The following HS3ST5 variants were observed in gnomAD, a reference collection of about 807,000 sequenced individuals.
HS3ST5 encodes the protein heparan sulfate-glucosamine 3-sulfotransferase 5, also known as heparan sulfate glucosamine 3-O-sulfotransferase 5.
A neutral mutation model predicts 25.4 loss-of-function variants in HS3ST5; 10 were observed. The observed-to-expected ratio is 0.39, with a 90% CI of 0.24 to 0.67. The LOEUF (loss-of-function observed/expected upper bound fraction) is 0.67, where lower values mean the gene tolerates loss of function less well. HS3ST5 is among the 30% of genes least tolerant of loss of function. The pLI, the probability that HS3ST5 is intolerant of heterozygous loss-of-function variation, is 0.44. For missense variants in HS3ST5, 324 were observed against 420.7 expected, an observed-to-expected ratio of 0.77 and a Z score of 2.01; for synonymous variants, 170 against 162.4, an observed-to-expected ratio of 1.05 and a Z score of -0.36.
At chr6:114,240,614 T>C (rs535715220) in intron 1 of HS3ST5, among the ~76,000 whole-genome samples, 4 of 152,294 alleles carry the variant, frequency 2.6e-5, no homozygotes, top group East Asian at 1.9e-4. Flanking sequence ...CACAAATATA[T>C]TTTTGTAATT....
chr6:114,212,420 T>A (rs1185803712), intron 2 of HS3ST5, among the ~76,000 whole-genome samples: 1 of 152,222 alleles, frequency 6.6e-6, no homozygotes, highest in African/African-American at 2.4e-5. Context: ...CAATTTATCA[T>A]TCCTCCTTTT....
Position 114,282,915 on chromosome 6 carries a change from G to GT in HS3ST5, c.-338-54138dup, listed in dbSNP as rs551640825. Among the ~76,000 whole-genome samples the GT allele has an allele frequency of 8.6e-5, 13 of 151,984 alleles. No homozygotes were observed. The South Asian group carries it at 1.9e-3, about 22-fold the overall frequency. ...AGAAAAAAGCTTTTTTCCCTAAACAGTTTTTTTACTAGAAGTGACATAATT... is the reference window on the plus strand; with the variant it reads ...AGAAAAAAGCTTTTTTCCCTAAACAGTTTTTTTTACTAGAAGTGACATAATT... On this transcript the variant is annotated intron_variant, in intron 1 of 4. Coordinates refer to ENST00000312719, the MANE Select transcript of HS3ST5 (RefSeq NM_153612.4).
intron 1 of HS3ST5, among the ~76,000 whole-genome samples, chr6:114,324,592 C>T (rs1776098809): frequency 6.6e-6 from 1 of 152,144 alleles, no homozygotes. Flanking sequence ...ACATAAATTC[C>T]CTTGTGCATA....
At chr6:114,281,771 A>C (rs1774123971) in intron 1 of HS3ST5, 1 of 152,060 alleles carries the variant, frequency 6.6e-6, no homozygotes. Context: ...CCCCAGGAAC[A>C]CACTGCATTG....
chr6:114,203,468 C>T (rs1177638516), intron 2 of HS3ST5, among the ~76,000 whole-genome samples: 1 of 152,180 alleles, frequency 6.6e-6, no homozygotes, highest in African/African-American at 2.4e-5. Context: ...TGATGGCCAT[C>T]TTCGGGAGGT....
intron 1 of HS3ST5, chr6:114,340,723 CT>C (rs1260801954): frequency 6.6e-6 from 1 of 151,978 alleles, no homozygotes; most frequent in African/African-American, 2.4e-5. Flanking sequence ...GCAATAAAAC[CT>C]TTTTTAAAAA....
intron 2 of HS3ST5, among the ~76,000 whole-genome samples, chr6:114,205,139 C>T (rs1415218136): frequency 6.6e-6 from 1 of 152,000 alleles, no homozygotes; most frequent in Non-Finnish European, 1.5e-5. Context: ...ACGTAGAATT[C>T]GTGCAGATCC....
rs143596144 is a variant in HS3ST5, at chr6:114,324,528, T to A, written c.-339+17667A>T. Among the ~76,000 whole-genome samples, 139 of 152,306 alleles carry A rather than the reference T, an allele frequency of 9.1e-4. 1 individual carries two copies. The highest frequency in any genetic ancestry group is 3.1e-3 in the African/African-American group (130 of 41,570). On this transcript the variant is annotated intron_variant, in intron 1 of 4. Transcript: ENST00000312719. ...ATGACCTTCTCCCCGAATTATTTAATCATTATATAGGGTGGGATGTATTCT... is the reference window on the plus strand; with the variant it reads ...ATGACCTTCTCCCCGAATTATTTAAACATTATATAGGGTGGGATGTATTCT...
chr6:114,208,370 C>T (rs1320241413), intron 2 of HS3ST5, among the ~76,000 whole-genome samples: 2 of 152,192 alleles, frequency 1.3e-5, no homozygotes, highest in Admixed American at 6.6e-5. Context: ...GCACTGTCCA[C>T]ATTTGGGGTT....
intron 1 of HS3ST5, chr6:114,281,756 A>G (rs1774123420): frequency 6.6e-6 from 1 of 152,024 alleles, no homozygotes; most frequent in African/African-American, 2.4e-5. Context: ...TCAGTCTGGC[A>G]AGGGCCCCAG....
At chr6:114,105,101 G>A (rs1248899831) in intron 3 of HS3ST5, among the ~76,000 whole-genome samples, 2 of 152,120 alleles carry the variant, frequency 1.3e-5, no homozygotes, top group Non-Finnish European at 2.9e-5. Flanking sequence ...TATTTGAGGC[G>A]GTTTTAAGGT....
At chr6:114,180,574 G>T (rs1361507503) in intron 2 of HS3ST5, among the ~76,000 whole-genome samples, 1 of 152,128 alleles carries the variant, frequency 6.6e-6, no homozygotes, top group Non-Finnish European at 1.5e-5. Context: ...GAGGTTTTGG[G>T]ACTTGGACTG....
At chr6:114,161,525 A>C in intron 3 of HS3ST5, among the ~76,000 whole-genome samples, 1 of 20,890 alleles carries the variant, frequency 4.8e-5, no homozygotes, top group Admixed American at 4.0e-4. Flanking sequence ...GAAGTTTTAT[A>C]TATATATATA....
chr6:114,253,573 A>T (rs536984103), intron 1 of HS3ST5, among the ~76,000 whole-genome samples: 207 of 152,352 alleles, frequency 1.4e-3, no homozygotes, highest in African/African-American at 4.6e-3. Flanking sequence ...AAAGAGAATG[A>T]CAGGAGAGCA....
chr6:114,058,152 CCACCCAGTCGA>C lies in HS3ST5; in HGVS notation c.135_145del (p.Arg46SerfsTer6). ...TGGGAATTCAGCCTGAGTGCGGGCT[CCACCCAGTCGA>C]CCTTCAATGGGGCAAATGGGTTGTA... On this transcript the variant is annotated frameshift_variant, in exon 5 of 5. Transcript: ENST00000312719. LOFTEE classifies it high-confidence loss of function. 6.2e-7 allele frequency: 1 copy of C among 1,610,626 alleles called. No individual in the cohort carries two copies.
At chr6:114,096,283 C>T (rs1775420517) in intron 3 of HS3ST5, among the ~76,000 whole-genome samples, 1 of 152,106 alleles carries the variant, frequency 6.6e-6, no homozygotes. Flanking sequence ...AGATGGCTGC[C>T]TCAGTGATAA....
chr6:114,242,676 A>G (rs1772185592), intron 1 of HS3ST5, among the ~76,000 whole-genome samples: 1 of 151,660 alleles, frequency 6.6e-6, no homozygotes, highest in African/African-American at 2.4e-5. Flanking sequence ...ACAAGGTGAA[A>G]CCCCATCTCT....
chr6:114,080,245 A>G (rs563099134), intron 3 of HS3ST5, among the ~76,000 whole-genome samples: 3 of 152,356 alleles, frequency 2.0e-5, no homozygotes, highest in Admixed American at 6.5e-5. Flanking sequence ...GTCAGTGAAC[A>G]GTAATCTTTT....
intron 3 of HS3ST5, among the ~76,000 whole-genome samples, chr6:114,090,863 A>G (rs1035941321): frequency 6.6e-6 from 1 of 152,218 alleles, no homozygotes; most frequent in African/African-American, 2.4e-5. Context: ...GAAACTCAGC[A>G]GTACAATTGC....
Sources: allele counts gnomAD v4.1 joint callset (sites outside exome capture counted in the v4.1 genomes callset), GRCh38; gene constraint gnomAD v4.1.1; transcripts MANE v1.5; gene names NCBI Gene and HGNC (gene_info 2026-07-23, HGNC 2026-07-21).